CHCHD3: variants seen among roughly 807,000 people sequenced by gnomAD.
CHCHD3 encodes the protein MICOS complex subunit MIC19.
In CHCHD3, 20 loss-of-function variants were observed where a neutral mutation model predicts 38.2. The observed-to-expected ratio is 0.52, with a 90% CI of 0.37 to 0.76. The LOEUF (loss-of-function observed/expected upper bound fraction) is 0.76, where lower values mean the gene tolerates loss of function less well. CHCHD3 is among the 30% of genes least tolerant of loss of function. CHCHD3 has a pLI of 0.00. For synonymous variants in CHCHD3, 82 were observed against 100.0 expected (o/e 0.82, Z 1.07); for missense variants, 245 against 279.2 (o/e 0.88, Z 0.87).
chr7:132,999,373 G>A (rs937429394), intron 3 of CHCHD3, among the ~76,000 whole-genome samples: 2 of 152,104 alleles, frequency 1.3e-5, no homozygotes, highest in African/African-American at 4.8e-5. Flanking sequence ...ATACTGTTAA[G>A]CATTTTGGTT....
chr7:133,027,362 TAAGA>T (rs1192487753), intron 2 of CHCHD3, among the ~76,000 whole-genome samples: 2 of 95,896 alleles, frequency 2.1e-5, no homozygotes, highest in Non-Finnish European at 4.5e-5. Context: ...TAATAAGTTG[TAAGA>T]GAGAGAGAGA....
intron 4 of CHCHD3, among the ~76,000 whole-genome samples, chr7:132,892,962 G>A (rs1463629145): frequency 1.3e-5 from 2 of 152,258 alleles, no homozygotes; most frequent in African/African-American, 4.8e-5. Context: ...CTCTGCTAGG[G>A]CAGTGCAGAA....
chr7:132,842,201 GAATA>G (rs796713410), intron 5 of CHCHD3, among the ~76,000 whole-genome samples: 56 of 152,208 alleles, frequency 3.7e-4, no homozygotes, highest in African/African-American at 1.3e-3. Flanking sequence ...TGTTTGGCTA[GAATA>G]TAAAAGTGTA....
intron 4 of CHCHD3, among the ~76,000 whole-genome samples, chr7:132,895,361 G>A (rs527533756): frequency 5.3e-5 from 8 of 152,300 alleles, no homozygotes; most frequent in East Asian, 1.9e-4. Flanking sequence ...AGCAGTACTC[G>A]TGGCCTCTAA....
intron 4 of CHCHD3, among the ~76,000 whole-genome samples, chr7:132,889,302 C>T (rs1299782055): frequency 6.6e-6 from 1 of 151,950 alleles, no homozygotes; most frequent in African/African-American, 2.4e-5. Context: ...AGGTAATGTT[C>T]CCTTTGTTCA....
chr7:132,931,025 A>C (rs771047401), intron 4 of CHCHD3, among the ~76,000 whole-genome samples: 2 of 152,190 alleles, frequency 1.3e-5, no homozygotes, highest in African/African-American at 2.4e-5. Flanking sequence ...TCAAGTTTTG[A>C]GGTTGCTTTG....
chr7:132,985,280 C>T (rs1193668030), intron 3 of CHCHD3, among the ~76,000 whole-genome samples: 2 of 70,250 alleles, frequency 2.8e-5, no homozygotes, highest in Admixed American at 1.4e-4. Flanking sequence ...GGCCAGCCGC[C>T]CCGTCCGGGA....
At chr7:132,934,859 A>C (rs1810599075) in intron 4 of CHCHD3, among the ~76,000 whole-genome samples, 1 of 152,228 alleles carries the variant, frequency 6.6e-6, no homozygotes, top group Non-Finnish European at 1.5e-5. Context: ...ACTATTCTGC[A>C]TCTTCTCAAT....
chr7:132,842,110 A>AT (rs1807955828), intron 5 of CHCHD3, among the ~76,000 whole-genome samples: 1 of 151,822 alleles, frequency 6.6e-6, no homozygotes, highest in African/African-American at 2.4e-5. Context: ...GAAAAAAAAA[A>AT]ATTTTTTTTA....
intron 4 of CHCHD3, among the ~76,000 whole-genome samples, chr7:132,965,580 T>C (rs893489650): frequency 2.0e-5 from 3 of 152,226 alleles, no homozygotes; most frequent in African/African-American, 7.2e-5. Flanking sequence ...CTCAGAGCTA[T>C]GGTTCCAGGC....
intron 4 of CHCHD3, among the ~76,000 whole-genome samples, chr7:132,903,979 G>A (rs1809731863): frequency 6.6e-6 from 1 of 152,190 alleles, no homozygotes; most frequent in Non-Finnish European, 1.5e-5. Flanking sequence ...TTGAACAAAG[G>A]ACAGGCATGG....
chr7:132,873,311 G>A (rs571297063), intron 5 of CHCHD3, among the ~76,000 whole-genome samples: 2 of 152,078 alleles, frequency 1.3e-5, no homozygotes, highest in South Asian at 4.2e-4. Flanking sequence ...GCCTGGCAAA[G>A]AAATACCTTC....
At chr7:132,843,845 G>GTAAATGT (rs1319412941) in intron 5 of CHCHD3, among the ~76,000 whole-genome samples, 9 of 152,210 alleles carry the variant, frequency 5.9e-5, no homozygotes, top group South Asian at 2.1e-4. Flanking sequence ...ACTAATAGCT[G>GTAAATGT]AATTGTAAGA....
intron 7 of CHCHD3, among the ~76,000 whole-genome samples, chr7:132,794,762 C>T (rs556383861): frequency 6.6e-6 from 1 of 152,166 alleles, no homozygotes; most frequent in South Asian, 2.1e-4. Flanking sequence ...CACAATAATG[C>T]AACTGAGGAA....
intron 6 of CHCHD3, among the ~76,000 whole-genome samples, chr7:132,803,388 T>C (rs570246737): frequency 1.6e-4 from 24 of 151,714 alleles, no homozygotes; most frequent in African/African-American, 5.6e-4. Context: ...AGGCATGGCA[T>C]TTACTCTCTC....
chr7:132,862,327 T>C (rs1048519021), intron 5 of CHCHD3, among the ~76,000 whole-genome samples: 1 of 152,206 alleles, frequency 6.6e-6, no homozygotes, highest in African/African-American at 2.4e-5. Flanking sequence ...GCAGGTTTGG[T>C]TTCACACTAT....
chr7:133,032,978 T>G (rs1028348780), intron 2 of CHCHD3, among the ~76,000 whole-genome samples: 1 of 152,186 alleles, frequency 6.6e-6, no homozygotes, highest in African/African-American at 2.4e-5. Flanking sequence ...TCTTTTCCAT[T>G]TCACGCAAAT....
chr7:132,792,945 C>T (rs1382933224), intron 7 of CHCHD3, among the ~76,000 whole-genome samples: 1 of 152,186 alleles, frequency 6.6e-6, no homozygotes, highest in Non-Finnish European at 1.5e-5. Context: ...CCCAATTCTA[C>T]AAGTAAATAG....
chr7:132,959,346 A>C (rs186922553), intron 4 of CHCHD3, among the ~76,000 whole-genome samples: 1 of 152,332 alleles, frequency 6.6e-6, no homozygotes, highest in African/African-American at 2.4e-5. Flanking sequence ...TCTGACTGTC[A>C]CTTGCTTCTG....
Sources: allele counts gnomAD v4.1 joint callset (sites outside exome capture counted in the v4.1 genomes callset), GRCh38; gene constraint gnomAD v4.1.1; transcripts MANE v1.5; gene names NCBI Gene and HGNC (gene_info 2026-07-23, HGNC 2026-07-21).